Variants in DSCAM observed in about 807,000 individuals in gnomAD.
DSCAM encodes cell adhesion molecule DSCAM.
DSCAM carries 47 observed loss-of-function variants against 217.7 expected under a neutral mutation model. That is an observed-to-expected ratio of 0.22 (90% confidence interval 0.17 to 0.28). The LOEUF (loss-of-function observed/expected upper bound fraction) is 0.28, where lower values mean the gene tolerates loss of function less well. DSCAM is among the 10% of genes least tolerant of loss of function. The probability of loss-of-function intolerance (pLI) is 1.00; values close to 1 mark genes in which losing one functional copy is unlikely to be tolerated. For missense variants in DSCAM, 2,080 were observed against 2,618.3 expected (o/e 0.79, Z 4.49); for synonymous variants, 1,056 against 1,015.3 (o/e 1.04, Z -0.76).
intron 8 of DSCAM, among the ~76,000 whole-genome samples, chr21:40,322,856 A>C (rs964456587): frequency 2.0e-5 from 3 of 152,238 alleles, no homozygotes; most frequent in East Asian, 1.9e-4. Context: ...AAATGTGTTT[A>C]GGAAAAGGTG....
chr21:40,229,519 C>T (rs1356260701), intron 11 of DSCAM, among the ~76,000 whole-genome samples: 1 of 152,190 alleles, frequency 6.6e-6, no homozygotes, highest in Non-Finnish European at 1.5e-5. Flanking sequence ...CAGTCCTCTC[C>T]TTTCCCCAAA....
chr21:40,626,308 C>T (rs886268455), intron 3 of DSCAM, among the ~76,000 whole-genome samples: 18 of 152,306 alleles, frequency 1.2e-4, no homozygotes, highest in African/African-American at 4.1e-4. Context: ...CATCTCTCCA[C>T]TTACCTCTAC....
intron 3 of DSCAM, among the ~76,000 whole-genome samples, chr21:40,672,927 G>T (rs775646329): frequency 6.6e-6 from 1 of 152,056 alleles, no homozygotes; most frequent in Non-Finnish European, 1.5e-5. Context: ...GTCATCTAAT[G>T]GTATGTTTGC....
chr21:40,620,852 C>G (rs1290437251), intron 3 of DSCAM, among the ~76,000 whole-genome samples: 1 of 152,214 alleles, frequency 6.6e-6, no homozygotes, highest in Admixed American at 6.5e-5. Flanking sequence ...ACCCAACAAC[C>G]TCCCTTTCAG....
chr21:40,143,097 C>T (rs983315978), intron 17 of DSCAM, among the ~76,000 whole-genome samples: 1 of 152,110 alleles, frequency 6.6e-6, no homozygotes, highest in Non-Finnish European at 1.5e-5. Context: ...TTATAGAGTA[C>T]GGTACCTCTG....
In DSCAM at chr21:40,298,084, C is replaced by CT. The variant is rs59908038; in HGVS notation, c.2063-1911dup. On this transcript the variant is annotated intron_variant, in intron 9 of 32. Transcript: ENST00000400454. ...TAAATGCAGGTATGTTTAGCTTTTA[C>CT]TTTTTTTTTTTTTTTTGAGATGGAG... 9.7e-3 allele frequency among the ~76,000 whole-genome samples: 1,280 copies of CT among 132,638 alleles called. 33 individuals are homozygous for CT. Among genetic ancestry groups the CT allele is most frequent in the African/African-American group, 0.029 (994 of 34,056 alleles). 87.0% of individuals were successfully genotyped at this position (132,638 alleles called of 152,430 possible). A position where few individuals can be genotyped will look rare whatever the true frequency, so the allele number is the denominator to read the frequency against.
chr21:40,199,731 T>C (rs56217142), intron 11 of DSCAM, among the ~76,000 whole-genome samples: 7,747 of 152,022 alleles, frequency 0.051, 444 homozygotes, highest in African/African-American at 0.14. Flanking sequence ...TCAATGAGAA[T>C]ACGTGGACAC....
At chr21:40,208,487 C>T (rs141848285) in intron 11 of DSCAM, among the ~76,000 whole-genome samples, 7 of 152,212 alleles carry the variant, frequency 4.6e-5, no homozygotes, top group South Asian at 2.1e-4. Context: ...AAAGTGGCAG[C>T]GAATCTCAAA....
At chr21:40,725,643 C>T (rs530260143) in intron 1 of DSCAM, among the ~76,000 whole-genome samples, 3 of 152,322 alleles carry the variant, frequency 2.0e-5, no homozygotes, top group East Asian at 3.9e-4. Flanking sequence ...GCAATCAACA[C>T]TTAAATGTAA....
intron 3 of DSCAM, among the ~76,000 whole-genome samples, chr21:40,581,786 C>CG (rs1568920171): frequency 6.6e-6 from 1 of 152,036 alleles, no homozygotes; most frequent in Admixed American, 6.5e-5. Context: ...TTCATGGCTA[C>CG]GAGTTTATTC....
At chr21:40,744,005 C>A (rs2091150222) in intron 1 of DSCAM, among the ~76,000 whole-genome samples, 1 of 152,072 alleles carries the variant, frequency 6.6e-6, no homozygotes, top group Non-Finnish European at 1.5e-5. Context: ...GTGGAGAAAC[C>A]CACTAGGCCA....
At chr21:40,510,774 C>A (rs2076251961) in intron 3 of DSCAM, among the ~76,000 whole-genome samples, 1 of 152,210 alleles carries the variant, frequency 6.6e-6, no homozygotes, top group South Asian at 2.1e-4. Context: ...AATCAGGATC[C>A]TTTTCAGTGT....
chr21:40,695,532 G>A (rs567990030), intron 2 of DSCAM, among the ~76,000 whole-genome samples: 2 of 152,220 alleles, frequency 1.3e-5, no homozygotes, highest in East Asian at 1.9e-4. Flanking sequence ...CTCAAAGCAG[G>A]GACAGCACTG....
rs776612700 is a variant in DSCAM, at chr21:40,124,160, AC to A, written c.3696+34del. 5 of 1,612,818 alleles carry A rather than the reference AC, an allele frequency of 3.1e-6. No homozygotes were observed. The South Asian group carries it at 5.5e-5, about 18-fold the overall frequency. ...AGCACCTGCAGCTCGTCCCTGGCAG[AC>A]GCTTGAAAGGCACTTGGTTATTTAC... On this transcript the variant is annotated intron_variant, in intron 20 of 32. Coordinates refer to ENST00000400454, the MANE Select transcript of DSCAM (RefSeq NM_001389.5).
chr21:40,248,762 G>C (rs1746567326), intron 11 of DSCAM, among the ~76,000 whole-genome samples: 1 of 152,242 alleles, frequency 6.6e-6, no homozygotes, highest in South Asian at 2.1e-4. Context: ...CCACTCTACA[G>C]GTACCAATTT....
chr21:40,348,480 C>CT (rs2074590440), intron 5 of DSCAM, among the ~76,000 whole-genome samples: 2 of 114,962 alleles, frequency 1.7e-5, no homozygotes, highest in South Asian at 2.8e-4. Context: ...TGCAATCATA[C>CT]CCACACAGTT....
intron 1 of DSCAM, among the ~76,000 whole-genome samples, chr21:40,823,628 A>G (rs994505252): frequency 2.0e-5 from 3 of 152,224 alleles, no homozygotes; most frequent in African/African-American, 7.2e-5. Context: ...ATTGATCCCA[A>G]TGATTTGTAA....
At chr21:40,709,409 T>C (rs1222962220) in intron 1 of DSCAM, among the ~76,000 whole-genome samples, 1 of 152,206 alleles carries the variant, frequency 6.6e-6, no homozygotes, top group East Asian at 1.9e-4. Context: ...GTCACATAGG[T>C]ATACACGTGC....
intron 3 of DSCAM, among the ~76,000 whole-genome samples, chr21:40,623,754 A>G (rs572884025): frequency 1.4e-3 from 207 of 152,234 alleles, no homozygotes; most frequent in Non-Finnish European, 1.6e-3. Flanking sequence ...GTCCTTCCCC[A>G]GAATAGACTT....
Sources: gnomAD v4.1 joint callset for allele counts (sites outside exome capture counted in the v4.1 genomes callset) on GRCh38, gnomAD v4.1.1 for gene constraint, MANE v1.5 for transcripts, NCBI Gene and HGNC (gene_info 2026-07-23, HGNC 2026-07-21) for gene names.